LRRC41: variants seen among roughly 807,000 people sequenced by gnomAD.
LRRC41 encodes the protein leucine-rich repeat-containing protein 41.
A neutral mutation model predicts 72.1 loss-of-function variants in LRRC41; 17 were observed. The observed-to-expected ratio is 0.24, with a 90% CI of 0.16 to 0.35. LRRC41 has a LOEUF of 0.35. Among genes scored for constraint, LRRC41 ranks in the 10% least tolerant of loss-of-function variants. The probability of loss-of-function intolerance (pLI) is 1.00; values close to 1 mark genes in which losing one functional copy is unlikely to be tolerated. For missense variants in LRRC41, 759 were observed against 1,065.0 expected, an observed-to-expected ratio of 0.71 and a Z score of 4.00; for synonymous variants, 427 against 431.0, an observed-to-expected ratio of 0.99 and a Z score of 0.11.
chr1:46,285,267 C>A lies in LRRC41; in HGVS notation c.1495+95G>T, dbSNP rs1441540033. On this transcript the variant is annotated intron_variant, in intron 4 of 9. Coordinates refer to ENST00000617190, the MANE Select transcript of LRRC41 (RefSeq NM_006369.5). The surrounding 1 kb of genome is among the most constrained non-coding windows in gnomAD (Gnocchi z 5.3). The stretch of plus-strand genomic sequence containing the variant: ...CTTCCTCTCTAACCTCCTGATCATA[C>A]CCCCAATTTGCCCCTCCCACCTCCC... 2 of 1,240,934 alleles carry A rather than the reference C, an allele frequency of 1.6e-6. No individual in the cohort carries two copies. The highest frequency in any genetic ancestry group is 1.3e-5 in the South Asian group (1 of 75,890). 76.9% of individuals were successfully genotyped at this position (1,240,934 alleles called of 1,614,324 possible).
At chr1:46,288,541 G>A (rs1041120423) in intron 3 of LRRC41, among the ~76,000 whole-genome samples, 4 of 152,214 alleles carry the variant, frequency 2.6e-5, no homozygotes, top group Non-Finnish European at 5.9e-5. Flanking sequence ...CAAGGCTGTG[G>A]GGGCCTGAGG....
At chr1:46,297,489 G>T (rs957526315) in intron 3 of LRRC41, 74 bp downstream of exon 3, 9 of 1,199,000 alleles carry the variant, frequency 7.5e-6, no homozygotes, top group South Asian at 6.1e-5. Flanking sequence ...TCAGTACCCA[G>T]CTTGTGTTTG....
Position 46,286,991 on chromosome 1 carries a change from GTA to G in LRRC41, c.358-494_358-493del, listed in dbSNP as rs374921702. On this transcript the variant is annotated intron_variant, in intron 3 of 9. Coordinates refer to ENST00000617190, the MANE Select transcript of LRRC41 (RefSeq NM_006369.5). This position sits in a 1 kb window ranked among gnomAD's most constrained non-coding sequence, Gnocchi z 5.5. ...CCGCCACCACACCTGGCTAATTTTT[GTA>G]TGTTTCATCATATTGACCAGGCTGG... Among the ~76,000 whole-genome samples, 770 of 148,798 alleles carry G rather than the reference GTA, an allele frequency of 5.2e-3. 6 individuals are homozygous for G. The highest frequency in any genetic ancestry group is 0.017 in the African/African-American group (705 of 40,362).
In LRRC41 at chr1:46,286,663, T is replaced by A. The variant is rs1322214758; in HGVS notation, c.358-164A>T. 6.6e-6 allele frequency among the ~76,000 whole-genome samples: 1 copy of A among 152,156 alleles called. No individual in the cohort carries two copies. Among genetic ancestry groups the A allele is most frequent in the African/African-American group, 2.4e-5 (1 of 41,436 alleles). Reference sequence around the variant, plus strand: ...ATTATTATTAGCCCTATTTTACAGGTAAAACCGAGGCACAAAGAGGTGGCC... The same window carrying A: ...ATTATTATTAGCCCTATTTTACAGGAAAAACCGAGGCACAAAGAGGTGGCC... On this transcript the variant is annotated intron_variant, in intron 3 of 9. Transcript: ENST00000617190. This position sits in a 1 kb window ranked among gnomAD's most constrained non-coding sequence, Gnocchi z 5.5.
chr1:46,292,884 A>G (rs1013018594), intron 3 of LRRC41, among the ~76,000 whole-genome samples: 23 of 152,252 alleles, frequency 1.5e-4, no homozygotes, highest in African/African-American at 5.3e-4. Context: ...GGTTCTGTGC[A>G]TTTAATAATT....
At position 46,302,068 on chromosome 1, in the gene LRRC41, C is replaced by A; in HGVS notation, c.199+1056G>T. 1.0e-6 allele frequency: 1 copy of A among 985,402 alleles called. No homozygotes were observed. The highest frequency in any genetic ancestry group is 1.2e-6 in the Non-Finnish European group (1 of 829,892). The allele number at this position is 985,402 out of a possible 1,614,324, so 61.0% of individuals were successfully genotyped here. A position where few individuals can be genotyped will look rare whatever the true frequency, so the allele number is the denominator to read the frequency against. On this transcript the variant is annotated intron_variant, in intron 1 of 9. Coordinates refer to ENST00000617190, the MANE Select transcript of LRRC41 (RefSeq NM_006369.5). The surrounding 1 kb of genome is among the most constrained non-coding windows in gnomAD (Gnocchi z 4.7). The stretch of plus-strand genomic sequence containing the variant: ...GCCAGCGGTCCCCAACCCACAGCCC[C>A]GCCTCCCAGCCCAACTGGCCGGTTC...
rs72901077 is a variant in LRRC41, at chr1:46,289,739, C to T, written c.358-3240G>A. Among the ~76,000 whole-genome samples the T allele has an allele frequency of 8.3e-3, 1,264 of 151,842 alleles. 19 individuals are homozygous for T. Among genetic ancestry groups the T allele is most frequent in the Middle Eastern group, 0.037 (11 of 294 alleles). On this transcript the variant is annotated intron_variant, in intron 3 of 9. Coordinates refer to ENST00000617190, the MANE Select transcript of LRRC41 (RefSeq NM_006369.5). ...TCGCGCCACTGCACTCCAGCCTGGG[C>T]GATAGAGCAAGACTCCGTCTCCAAA...
chr1:46,281,878 AG>A, intron 4 of LRRC41, among the ~76,000 whole-genome samples: 2 of 152,304 alleles, frequency 1.3e-5, no homozygotes, highest in East Asian at 3.9e-4. Context: ...CAGGAGTTCC[AG>A]ACCAGCCTGG....
rs115665648 is a variant in LRRC41 at position 46,303,439 on chromosome 1, T to C, written c.-117A>G. ...AAGAATGTGAATTATTCTAAAGAAA[T>C]TTCGAAGAAATTAGCACACTTTCCA... On this transcript the variant is annotated 5_prime_UTR_variant, in exon 1 of 10. Coordinates refer to ENST00000617190, the MANE Select transcript of LRRC41 (RefSeq NM_006369.5). 3.4e-5 allele frequency: 36 copies of C among 1,059,926 alleles called. No homozygotes were observed. The African/African-American group carries it at 5.3e-4, about 16-fold the overall frequency. The allele number at this position is 1,059,926 out of a possible 1,614,324, so 65.7% of individuals were successfully genotyped here.
intron 3 of LRRC41, among the ~76,000 whole-genome samples, chr1:46,289,532 C>CG (rs375820021): frequency 2.6e-4 from 40 of 151,986 alleles, no homozygotes; most frequent in African/African-American, 7.7e-4. Context: ...GAGGCCGAGG[C>CG]GGGGGGGATC....
Position 46,277,868 on chromosome 1 carries a change from C to A in LRRC41, c.*997G>T, listed in dbSNP as rs1310850459. On this transcript the variant is annotated 3_prime_UTR_variant, in exon 10 of 10. Transcript: ENST00000617190. ...CCAGCGTCAGAGCCACAAGAAGGCA[C>A]TGAGCAGCTGTGTGGTGGATGAGGA... is the stretch of plus-strand genomic sequence containing the variant. 1 of 1,613,692 alleles carries A rather than the reference C, an allele frequency of 6.2e-7. No homozygotes were observed. The highest frequency in any genetic ancestry group is 8.5e-7 in the Non-Finnish European group (1 of 1,179,770).
chr1:46,297,307 C>T (rs1557718880), intron 3 of LRRC41: 3 of 409,398 alleles, frequency 7.3e-6, no homozygotes, highest in Non-Finnish European at 1.4e-5. Context: ...ATCAAGAACT[C>T]TAGGAATCCT....
chr1:46,283,580 A>G (rs762149784), intron 4 of LRRC41, among the ~76,000 whole-genome samples: 4 of 152,204 alleles, frequency 2.6e-5, no homozygotes, highest in Non-Finnish European at 5.9e-5. Flanking sequence ...ATCTGGGGTA[A>G]TGTCACATAA....
At chr1:46,290,302 G>C (rs998328643) in intron 3 of LRRC41, among the ~76,000 whole-genome samples, 1 of 152,114 alleles carries the variant, frequency 6.6e-6, no homozygotes, top group African/African-American at 2.4e-5. Flanking sequence ...CCAGCTACTT[G>C]GGAGGCTGAG....
chr1:46,283,811 G>A (rs542350350), intron 4 of LRRC41, among the ~76,000 whole-genome samples: 8 of 151,746 alleles, frequency 5.3e-5, no homozygotes, highest in African/African-American at 1.5e-4. Flanking sequence ...GATTACAGGC[G>A]CCCACCATCA....
At chr1:46,300,589 A>C (rs1661203778) in intron 1 of LRRC41, 1 of 152,286 alleles carries the variant, frequency 6.6e-6, no homozygotes, top group South Asian at 2.1e-4. Context: ...GTCTCCATCC[A>C]GTCCCTCTTC....
At chr1:46,299,483 G>C (rs143226548) in intron 1 of LRRC41, 2,489 of 152,548 alleles carry the variant, frequency 0.016, 27 homozygotes, top group Middle Eastern at 0.027. Context: ...GGGAGGCTAA[G>C]GTGGGAGGAT....
Position 46,277,705 on chromosome 1 carries a change from C to G in LRRC41, c.*1160G>C. 1.6e-6 allele frequency: 2 copies of G among 1,232,358 alleles called. No homozygotes were observed. The highest frequency in any genetic ancestry group is 2.3e-5 in the East Asian group (1 of 43,004). The allele number at this position is 1,232,358 out of a possible 1,614,324, so 76.3% of individuals were successfully genotyped here. On this transcript the variant is annotated 3_prime_UTR_variant, in exon 10 of 10. Transcript: ENST00000617190. ...TGTTCTGGGACTCATACTTTTTATT[C>G]ATCTCCTCTTCTCGGGTAGCTGTAG...
chr1:46,278,410 C>A lies in LRRC41; in HGVS notation c.*455G>T. 1 of 1,110,510 alleles carries A rather than the reference C, an allele frequency of 9.0e-7. No individual in the cohort carries two copies. 68.8% of individuals were successfully genotyped at this position (1,110,510 alleles called of 1,614,324 possible). ...TCAAGAAGGGCTGCATGATGTTTGC[C>A]CAAAATTTATTTTATAAGAAAAACT... is the stretch of plus-strand genomic sequence containing the variant. On this transcript the variant is annotated 3_prime_UTR_variant, in exon 10 of 10. Coordinates refer to ENST00000617190, the MANE Select transcript of LRRC41 (RefSeq NM_006369.5).
Sources: allele counts gnomAD v4.1 joint callset (sites outside exome capture counted in the v4.1 genomes callset), GRCh38; gene constraint gnomAD v4.1.1; non-coding constraint Gnocchi (gnomAD v3.1); transcripts MANE v1.5; gene names NCBI Gene and HGNC (gene_info 2026-07-23, HGNC 2026-07-21).